Variants in TERF1 observed in about 807,000 individuals in gnomAD.
The protein encoded by TERF1 is telomeric repeat-binding factor 1.
In TERF1, 20 loss-of-function variants were observed where a neutral mutation model predicts 55.1. The ratio of observed to expected loss-of-function variants is 0.36; its 90% CI spans 0.26 to 0.53. The LOEUF (loss-of-function observed/expected upper bound fraction) is 0.53, where lower values mean the gene tolerates loss of function less well. TERF1 is among the 20% of genes least tolerant of loss of function. TERF1 has a pLI of 0.91. For synonymous variants in TERF1, 168 were observed against 181.2 expected (o/e 0.93, Z 0.59); for missense variants, 439 against 535.7 (o/e 0.82, Z 1.78).
intron 3 of TERF1, among the ~76,000 whole-genome samples, chr8:73,021,411 A>G (rs1364034725): frequency 6.6e-6 from 1 of 152,170 alleles, no homozygotes; most frequent in Admixed American, 6.5e-5. Flanking sequence ...TATGAATTCA[A>G]CCCAGAGCAA....
intron 1 of TERF1, among the ~76,000 whole-genome samples, chr8:73,013,348 T>C (rs1409273907): frequency 6.6e-6 from 1 of 152,206 alleles, no homozygotes; most frequent in East Asian, 1.9e-4. Context: ...ACATTTTTAC[T>C]TCAGTAGTTC....
At chr8:73,022,049 T>C (rs919944096) in intron 3 of TERF1, among the ~76,000 whole-genome samples, 167 bp from the exon 4 acceptor site, 6 of 152,232 alleles carry the variant, frequency 3.9e-5, no homozygotes, top group African/African-American at 1.2e-4. Context: ...GCGACACTTA[T>C]TTTGTCTTTG....
intron 9 of TERF1, among the ~76,000 whole-genome samples, chr8:73,045,620 T>C (rs1490217121): frequency 1.3e-5 from 2 of 152,134 alleles, no homozygotes; most frequent in Non-Finnish European, 2.9e-5. Flanking sequence ...ATTTGGAGAT[T>C]TGGAGGATAA....
Position 73,009,083 on chromosome 8 carries a change from T to C in TERF1, c.197T>C (p.Leu66Pro). Residue 66 changes from leucine (L) to proline (P), a missense_variant, in exon 1 of 10, where the codon CTG (leucine) becomes CCG (proline). Around this residue, in one of 4 missense-constraint regions of TERF1, gnomAD observed 179 missense variants for 152.6 expected, o/e 1.17. Transcript: ENST00000276603. ...GAGGAGGAGGAGGAGGACGCGGGCC[T>C]GGTGGCCGAGGCCGAGGCCGTGGCT... ...EEEEEEEDAGLVAEAEAVAAG... is the reference protein window; with the variant it reads ...EEEEEEEDAGPVAEAEAVAAG... 6.2e-7 allele frequency: 1 copy of C among 1,609,066 alleles called. No homozygotes were observed. The highest frequency in any genetic ancestry group is 1.1e-5 in the South Asian group (1 of 90,734).
At chr8:73,010,383 C>T (rs1468079389) in intron 1 of TERF1, 1 of 152,190 alleles carries the variant, frequency 6.6e-6, no homozygotes, top group East Asian at 1.9e-4. Flanking sequence ...TGGAATGAAG[C>T]TAGTTCCTCA....
At position 73,039,770 on chromosome 8, in the gene TERF1, G is replaced by GGTGTGTGTGT. The variant is rs35184446; in HGVS notation, c.1143+588_1143+597dup. Among the ~76,000 whole-genome samples the GGTGTGTGTGT allele has an allele frequency of 5.5e-3, 745 of 136,438 alleles. 2 individuals carry two copies. The highest frequency in any genetic ancestry group is 0.015 in the Middle Eastern group (4 of 270). 89.5% of individuals were successfully genotyped at this position (136,438 alleles called of 152,430 possible). ...GGATAAATCTGGTCTTTGTTTTTGTGGTGTGTGTGTGTGTGTGTGTGTGTG... is the reference window on the plus strand; with the variant it reads ...GGATAAATCTGGTCTTTGTTTTTGTGGTGTGTGTGTGTGTGTGTGTGTGTGTGTGTGTGTG... On this transcript the variant is annotated intron_variant, in intron 9 of 9. Transcript: ENST00000276603.
intron 9 of TERF1, among the ~76,000 whole-genome samples, chr8:73,042,535 G>T (rs931166921): frequency 1.1e-4 from 17 of 151,808 alleles, no homozygotes; most frequent in African/African-American, 4.1e-4. Flanking sequence ...GTCTGTTAAA[G>T]ATATTTCTTC....
At chr8:73,012,060 C>T (rs767405951) in intron 1 of TERF1, 2 of 152,198 alleles carry the variant, frequency 1.3e-5, no homozygotes, top group Non-Finnish European at 2.9e-5. Context: ...GAATGACTTG[C>T]AACTCTTCCT....
chr8:73,041,749 A>G (rs1809840509), intron 9 of TERF1, among the ~76,000 whole-genome samples: 1 of 152,192 alleles, frequency 6.6e-6, no homozygotes, highest in South Asian at 2.1e-4. Flanking sequence ...TGTCAGAAGC[A>G]GGAAGGAATT....
chr8:73,021,601 T>A (rs1808755105), intron 3 of TERF1, among the ~76,000 whole-genome samples: 1 of 152,118 alleles, frequency 6.6e-6, no homozygotes, highest in Non-Finnish European at 1.5e-5. Flanking sequence ...CTCATAACAA[T>A]CCTATGAAAT....
chr8:73,014,912 G>C (rs1808434695), intron 2 of TERF1, among the ~76,000 whole-genome samples: 1 of 152,218 alleles, frequency 6.6e-6, no homozygotes, highest in African/African-American at 2.4e-5. Context: ...CAGAGCCATA[G>C]GTAGGCCTGG....
At chr8:73,015,504 C>T (rs1471355642) in intron 2 of TERF1, among the ~76,000 whole-genome samples, 4 of 151,778 alleles carry the variant, frequency 2.6e-5, no homozygotes, top group African/African-American at 9.7e-5. Flanking sequence ...GAATTTGACA[C>T]CAGCCTAGGC....
intron 1 of TERF1, 36 bp downstream of exon 1, chr8:73,009,241 G>C (rs1019406888): frequency 2.5e-6 from 4 of 1,579,312 alleles, no homozygotes; most frequent in East Asian, 2.3e-5. Context: ...GGACTACGCG[G>C]GGGGCGGATG....
chr8:73,025,028 A>G (rs903534166), intron 5 of TERF1, 57 bp downstream of exon 5: 2 of 1,061,302 alleles, frequency 1.9e-6, no homozygotes, highest in Non-Finnish European at 2.6e-6. Flanking sequence ...GTTATAATAA[A>G]GGAGAATACT....
At position 73,029,132 on chromosome 8, in the gene TERF1, G is replaced by A. The variant is rs934447322; in HGVS notation, c.888-1204G>A. On this transcript the variant is annotated intron_variant, in intron 6 of 9. Transcript: ENST00000276603. Reference sequence around the variant, plus strand: ...ACCAGTAAGGATTCAAGTAAAGCAAGTATAGAATCAGAAGTGTGATTGTGA... The same window carrying A: ...ACCAGTAAGGATTCAAGTAAAGCAAATATAGAATCAGAAGTGTGATTGTGA... Among the ~76,000 whole-genome samples the A allele has an allele frequency of 2.0e-5, 3 of 152,288 alleles. No individual in the cohort carries two copies. In the East Asian group the frequency reaches 5.8e-4, roughly 29 times the overall value.
At chr8:73,035,392 C>T (rs1809468640) in intron 8 of TERF1, among the ~76,000 whole-genome samples, 1 of 150,682 alleles carries the variant, frequency 6.6e-6, no homozygotes, top group African/African-American at 2.4e-5. Flanking sequence ...TAGTTTAATT[C>T]TATTTCAGTC....
chr8:73,010,921 A>G (rs939222815), intron 1 of TERF1: 3 of 152,220 alleles, frequency 2.0e-5, no homozygotes, highest in South Asian at 2.1e-4. Flanking sequence ...CGCATTATCA[A>G]TGAGCAATGG....
intron 8 of TERF1, among the ~76,000 whole-genome samples, chr8:73,037,818 A>T (rs1352662725): frequency 6.7e-5 from 7 of 104,356 alleles, no homozygotes; most frequent in Non-Finnish European, 1.2e-4. Flanking sequence ...TATATTATAT[A>T]TAATATATAG....
chr8:73,037,664 A>T (rs1809607300), intron 8 of TERF1, among the ~76,000 whole-genome samples: 1 of 48,466 alleles, frequency 2.1e-5, no homozygotes, highest in African/African-American at 7.1e-5. Flanking sequence ...TATGTATAAT[A>T]ATATTATATT....
Sources: allele counts gnomAD v4.1 joint callset (sites outside exome capture counted in the v4.1 genomes callset), GRCh38; gene constraint gnomAD v4.1.1; regional missense constraint gnomAD v4.1.1; transcripts MANE v1.5; gene names NCBI Gene and HGNC (gene_info 2026-07-23, HGNC 2026-07-21).